Variants in NCAM1 observed in about 807,000 individuals in gnomAD.
NCAM1 encodes the protein antigen recognized by monoclonal antibody 5.1H11.
NCAM1 carries 14 observed loss-of-function variants against 109.8 expected under a neutral mutation model. That is an observed-to-expected ratio of 0.13 (90% CI 0.08 to 0.20). The LOEUF is 0.20. NCAM1 is among the 10% of genes least tolerant of loss of function. The probability of loss-of-function intolerance (pLI) is 1.00; values close to 1 mark genes in which losing one functional copy is unlikely to be tolerated. For synonymous variants in NCAM1, 418 were observed against 442.9 expected (o/e 0.94, Z 0.70); for missense variants, 774 against 1,109.9 (o/e 0.70, Z 4.30).
chr11:113,253,529 A>G (rs1185129497), intron 15 of NCAM1, among the ~76,000 whole-genome samples: 1 of 152,190 alleles, frequency 6.6e-6, no homozygotes, highest in East Asian at 1.9e-4. Context: ...GTGGAATGAA[A>G]CTTGATCGAG....
intron 1 of NCAM1, among the ~76,000 whole-genome samples, chr11:113,052,411 C>A (rs1177026933): frequency 6.6e-6 from 1 of 152,090 alleles, no homozygotes; most frequent in Admixed American, 6.6e-5. Context: ...CTATTTTCTG[C>A]CTAATCTGAA....
At chr11:113,211,377 C>G (rs1235900337) in intron 7 of NCAM1, among the ~76,000 whole-genome samples, 5 of 152,200 alleles carry the variant, frequency 3.3e-5, no homozygotes, top group Non-Finnish European at 1.5e-5. Context: ...GGACATATCT[C>G]AATTAGAGAC....
At chr11:113,202,564 T>C (rs1292381099) in intron 2 of NCAM1, 111 bp downstream of exon 2, 2 of 920,460 alleles carry the variant, frequency 2.2e-6, no homozygotes, top group East Asian at 5.4e-5. Context: ...CCTAGAATTC[T>C]TGGCATTGCT....
chr11:113,206,425 C>T (rs949680189), intron 5 of NCAM1, among the ~76,000 whole-genome samples: 3 of 151,548 alleles, frequency 2.0e-5, no homozygotes, highest in Admixed American at 6.6e-5. Flanking sequence ...TGTCCTTCAC[C>T]GTTCTGCAGC....
At chr11:113,267,097 G>C (rs1231523341) in intron 17 of NCAM1, among the ~76,000 whole-genome samples, 2 of 152,192 alleles carry the variant, frequency 1.3e-5, no homozygotes, top group Non-Finnish European at 2.9e-5. Flanking sequence ...GCTAAAATCT[G>C]CCACCACCAT....
chr11:113,022,710 G>A (rs921111310), intron 1 of NCAM1, among the ~76,000 whole-genome samples: 2 of 152,134 alleles, frequency 1.3e-5, no homozygotes, highest in African/African-American at 4.8e-5. Flanking sequence ...CCAAAGGCAG[G>A]CAGGTACGTA....
chr11:113,102,026 G>T (rs1436768157), intron 1 of NCAM1, among the ~76,000 whole-genome samples: 3 of 152,044 alleles, frequency 2.0e-5, no homozygotes, highest in Non-Finnish European at 4.4e-5. Context: ...CTAAGTATGG[G>T]TTAATACCTG....
At chr11:113,148,560 G>A (rs1555101822) in intron 1 of NCAM1, among the ~76,000 whole-genome samples, 8 of 152,072 alleles carry the variant, frequency 5.3e-5, no homozygotes, top group Non-Finnish European at 1.2e-4. Context: ...CCAAGGTGAG[G>A]AAGTGGGCAT....
At chr11:113,236,951 G>C (rs1555118406) in intron 14 of NCAM1, among the ~76,000 whole-genome samples, 5 of 152,182 alleles carry the variant, frequency 3.3e-5, no homozygotes, top group African/African-American at 1.2e-4. Flanking sequence ...CTGTTGCAGA[G>C]TTAAATCTCT....
intron 1 of NCAM1, among the ~76,000 whole-genome samples, chr11:113,189,539 G>C (rs1245005751): frequency 6.6e-6 from 1 of 152,054 alleles, no homozygotes; most frequent in Non-Finnish European, 1.5e-5. Context: ...GATTAACTTG[G>C]TTTGTGTTTG....
chr11:113,022,460 T>A (rs1310672368), intron 1 of NCAM1, among the ~76,000 whole-genome samples: 1 of 152,070 alleles, frequency 6.6e-6, no homozygotes, highest in Non-Finnish European at 1.5e-5. Context: ...CTTAGACTTG[T>A]GGGATGAAGG....
intron 1 of NCAM1, among the ~76,000 whole-genome samples, chr11:112,968,135 T>C (rs1950775357): frequency 6.6e-6 from 1 of 152,198 alleles, no homozygotes; most frequent in Non-Finnish European, 1.5e-5. Flanking sequence ...GTGGACCTCA[T>C]AGAGGTTGTA....
chr11:113,117,501 A>G (rs1000485594), intron 1 of NCAM1, among the ~76,000 whole-genome samples: 5 of 151,968 alleles, frequency 3.3e-5, no homozygotes, highest in African/African-American at 9.7e-5. Flanking sequence ...GTGTTGTGAA[A>G]GGTCTTATTG....
At chr11:113,071,717 GC>G (rs1408051279) in intron 1 of NCAM1, among the ~76,000 whole-genome samples, 1 of 152,164 alleles carries the variant, frequency 6.6e-6, no homozygotes, top group Non-Finnish European at 1.5e-5. Context: ...GGGCCACCAT[GC>G]CCCCAGCCTG....
intron 1 of NCAM1, among the ~76,000 whole-genome samples, chr11:113,085,024 C>T (rs1565426810): frequency 6.6e-6 from 1 of 152,202 alleles, no homozygotes; most frequent in Non-Finnish European, 1.5e-5. Context: ...AGGTATTCCT[C>T]TATGCATGCT....
At chr11:113,206,682 A>AAGTAAATC (rs1194323936) in intron 5 of NCAM1, among the ~76,000 whole-genome samples, 1 of 152,210 alleles carries the variant, frequency 6.6e-6, no homozygotes, top group Non-Finnish European at 1.5e-5. Context: ...CTAAGAAAAT[A>AAGTAAATC]AGTAAATCAG....
chr11:113,071,629 G>A lies in NCAM1; in HGVS notation c.52+109965G>A, dbSNP rs540682239. Among the ~76,000 whole-genome samples, 421 of 152,116 alleles carry A rather than the reference G, an allele frequency of 2.8e-3. 2 individuals are homozygous for A. Among genetic ancestry groups the A allele is most frequent in the African/African-American group, 9.7e-3 (402 of 41,536 alleles). ...TTTAGTAGAGACGGGGTTTCACCGT[G>A]TTAGCCAGGATGGTCTCAATCTCCT... On this transcript the variant is annotated intron_variant, in intron 1 of 19. Transcript: ENST00000316851.
chr11:113,081,772 GAT>G (rs1311353537), intron 1 of NCAM1, among the ~76,000 whole-genome samples: 1 of 152,100 alleles, frequency 6.6e-6, no homozygotes, highest in Non-Finnish European at 1.5e-5. Context: ...GACCTCAAGT[GAT>G]CCACCCACCT....
intron 1 of NCAM1, among the ~76,000 whole-genome samples, chr11:113,010,935 C>G (rs1952032988): frequency 6.6e-6 from 1 of 151,892 alleles, no homozygotes; most frequent in South Asian, 2.1e-4. Context: ...TGGGGGAGGC[C>G]TTTTTGAGGG....
Sources: gnomAD v4.1 joint callset for allele counts (sites outside exome capture counted in the v4.1 genomes callset) on GRCh38, gnomAD v4.1.1 for gene constraint, MANE v1.5 for transcripts, NCBI Gene and HGNC (gene_info 2026-07-23, HGNC 2026-07-21) for gene names.